Variants in NUBPL observed in about 807,000 individuals in gnomAD.
The protein encoded by NUBPL is iron-sulfur cluster transfer protein NUBPL.
Under a neutral mutation model 45.7 loss-of-function variants are expected in NUBPL, and 31 were observed. That is an observed-to-expected ratio of 0.68 (90% CI 0.51 to 0.92). The LOEUF is 0.92. Among genes scored for constraint, NUBPL ranks in the 40% least tolerant of loss-of-function variants. NUBPL has a pLI of 0.00. For synonymous variants in NUBPL, 144 were observed against 140.9 expected, an observed-to-expected ratio of 1.02 and a Z score of -0.15; for missense variants, 401 against 398.7, an observed-to-expected ratio of 1.01 and a Z score of -0.05.
chr14:31,616,038 A>G (rs975157366), intron 4 of NUBPL, among the ~76,000 whole-genome samples: 2 of 152,328 alleles, frequency 1.3e-5, no homozygotes, highest in South Asian at 4.1e-4. Context: ...CTTTTCTCTA[A>G]TGACCAGTGA....
intron 8 of NUBPL, chr14:31,844,493 A>AT (rs1273619142): frequency 6.6e-6 from 1 of 152,190 alleles, no homozygotes. Flanking sequence ...AGCGTGATTT[A>AT]TTTTTTGTGA....
intron 6 of NUBPL, among the ~76,000 whole-genome samples, chr14:31,709,959 G>A (rs2037534395): frequency 6.6e-6 from 1 of 152,176 alleles, no homozygotes; most frequent in South Asian, 2.1e-4. Context: ...TTGCATAGTT[G>A]TGTATTCTCC....
intron 4 of NUBPL, among the ~76,000 whole-genome samples, chr14:31,605,091 T>A (rs532012069): frequency 6.6e-6 from 1 of 152,350 alleles, no homozygotes; most frequent in South Asian, 2.1e-4. Flanking sequence ...TAACCTTTTT[T>A]AAAGAACAAA....
intron 7 of NUBPL, among the ~76,000 whole-genome samples, chr14:31,824,163 GTTTA>G (rs1321215890): frequency 6.6e-6 from 1 of 152,052 alleles, no homozygotes; most frequent in East Asian, 1.9e-4. Flanking sequence ...GTGTGTAGTA[GTTTA>G]TTTAATTATT....
At chr14:31,684,980 G>A (rs1184976770) in intron 6 of NUBPL, among the ~76,000 whole-genome samples, 1 of 152,194 alleles carries the variant, frequency 6.6e-6, no homozygotes, top group African/African-American at 2.4e-5. Flanking sequence ...AAAAGAAGTA[G>A]TTCAAAAGGT....
chr14:31,687,760 C>G (rs1253018587), intron 6 of NUBPL, among the ~76,000 whole-genome samples: 1 of 152,146 alleles, frequency 6.6e-6, no homozygotes, highest in Non-Finnish European at 1.5e-5. Context: ...ACCATGGGAC[C>G]ATGTGAAGTG....
intron 3 of NUBPL, among the ~76,000 whole-genome samples, chr14:31,574,901 C>CGA (rs1555312490): frequency 6.6e-6 from 1 of 151,740 alleles, no homozygotes; most frequent in Non-Finnish European, 1.5e-5. Context: ...ATTCTTTTAG[C>CGA]AACTTATTTT....
At chr14:31,665,736 TC>T (rs781277849) in intron 4 of NUBPL, among the ~76,000 whole-genome samples, 240 of 152,278 alleles carry the variant, frequency 1.6e-3, no homozygotes, top group Non-Finnish European at 7.4e-4. Flanking sequence ...TCTGTAGATG[TC>T]TATTAGGTCT....
At chr14:31,652,503 A>G (rs550181727) in intron 4 of NUBPL, among the ~76,000 whole-genome samples, 4 of 152,240 alleles carry the variant, frequency 2.6e-5, no homozygotes, top group Non-Finnish European at 5.9e-5. Context: ...GAATCACTCC[A>G]TAGTATATAC....
At chr14:31,594,087 A>T (rs2034220736) in intron 3 of NUBPL, among the ~76,000 whole-genome samples, 4 of 152,258 alleles carry the variant, frequency 2.6e-5, no homozygotes, top group Admixed American at 1.3e-4. Context: ...ATGATCTCTT[A>T]GGTTTCTTCC....
chr14:31,633,860 C>G (rs2035410886), intron 4 of NUBPL, among the ~76,000 whole-genome samples: 2 of 152,100 alleles, frequency 1.3e-5, no homozygotes, highest in African/African-American at 4.8e-5. Flanking sequence ...AGGTCTTTAG[C>G]TTTTTCTTAT....
chr14:31,691,101 A>G (rs186886705), intron 6 of NUBPL, among the ~76,000 whole-genome samples: 1 of 152,212 alleles, frequency 6.6e-6, no homozygotes, highest in Admixed American at 6.5e-5. Context: ...TCCATACACT[A>G]ATACTGAGCC....
At chr14:31,712,057 C>T (rs1160598771) in intron 6 of NUBPL, among the ~76,000 whole-genome samples, 1 of 152,166 alleles carries the variant, frequency 6.6e-6, no homozygotes, top group Non-Finnish European at 1.5e-5. Context: ...ACAAAGCTTC[C>T]ACAGCATGGA....
intron 4 of NUBPL, among the ~76,000 whole-genome samples, chr14:31,630,007 T>G (rs567840324): frequency 1.3e-3 from 205 of 152,306 alleles, no homozygotes; most frequent in African/African-American, 4.6e-3. Context: ...ATAGACAGTC[T>G]GAAAATTAAG....
chr14:31,598,828 C>T (rs1381067714), intron 3 of NUBPL, among the ~76,000 whole-genome samples: 1 of 152,144 alleles, frequency 6.6e-6, no homozygotes, highest in Non-Finnish European at 1.5e-5. Context: ...GGCCCTGTTT[C>T]CATGATCTTT....
At chr14:31,765,923 G>C (rs2038904304) in intron 6 of NUBPL, among the ~76,000 whole-genome samples, 1 of 152,092 alleles carries the variant, frequency 6.6e-6, no homozygotes, top group Non-Finnish European at 1.5e-5. Context: ...CAGAAATAAG[G>C]ATCTTACAGC....
chr14:31,606,612 G>A (rs918586545), intron 4 of NUBPL, among the ~76,000 whole-genome samples: 1 of 152,156 alleles, frequency 6.6e-6, no homozygotes, highest in Admixed American at 6.6e-5. Flanking sequence ...CAGCCGGTTA[G>A]GGTGGTTCTG....
At chr14:31,639,476 T>C (rs1469810239) in intron 4 of NUBPL, among the ~76,000 whole-genome samples, 2 of 152,092 alleles carry the variant, frequency 1.3e-5, no homozygotes, top group Non-Finnish European at 2.9e-5. Context: ...CTGTGTGAGG[T>C]GTCAGTCTGC....
intron 4 of NUBPL, among the ~76,000 whole-genome samples, chr14:31,637,105 T>G (rs1306444147): frequency 1.3e-5 from 2 of 152,152 alleles, no homozygotes; most frequent in African/African-American, 4.8e-5. Context: ...CTGCTCCGAT[T>G]TTAGTTATTT....
Sources: gnomAD v4.1 joint callset for allele counts (sites outside exome capture counted in the v4.1 genomes callset) on GRCh38, gnomAD v4.1.1 for gene constraint, MANE v1.5 for transcripts, NCBI Gene and HGNC (gene_info 2026-07-23, HGNC 2026-07-21) for gene names.